PLA2G5: variants seen among roughly 807,000 people sequenced by gnomAD.
The protein encoded by PLA2G5 is Ca2+-dependent phospholipase A2.
A neutral mutation model predicts 15.9 loss-of-function variants in PLA2G5; 12 were observed. That is an observed-to-expected ratio of 0.76 (90% confidence interval 0.48 to 1.23). The LOEUF (loss-of-function observed/expected upper bound fraction) is 1.23. PLA2G5 is among the 50% of genes most tolerant of loss of function. PLA2G5 has a pLI of 0.00. For missense variants in PLA2G5, 169 were observed against 177.1 expected, an observed-to-expected ratio of 0.95 and a Z score of 0.26; for synonymous variants, 71 against 71.4, an observed-to-expected ratio of 0.99 and a Z score of 0.03.
intron 1 of PLA2G5, among the ~76,000 whole-genome samples, chr1:20,040,794 A>G (rs951169148): frequency 6.6e-6 from 1 of 152,244 alleles, no homozygotes; most frequent in African/African-American, 2.4e-5. Flanking sequence ...AGAGTCACCC[A>G]TCTGCTCACT....
At chr1:20,046,311 A>G (rs1490907304) in intron 1 of PLA2G5, among the ~76,000 whole-genome samples, 1 of 151,982 alleles carries the variant, frequency 6.6e-6, no homozygotes, top group African/African-American at 2.4e-5. Flanking sequence ...ACTTGGTTAA[A>G]TCCAAGTGAG....
At chr1:20,038,974 C>T (rs2013436427) in intron 1 of PLA2G5, among the ~76,000 whole-genome samples, 1 of 152,112 alleles carries the variant, frequency 6.6e-6, no homozygotes, top group Admixed American at 6.5e-5. Context: ...CTGACATTGT[C>T]TACACTCAGT....
intron 1 of PLA2G5, among the ~76,000 whole-genome samples, chr1:20,030,725 C>T (rs2012873701): frequency 6.6e-6 from 1 of 152,130 alleles, no homozygotes; most frequent in African/African-American, 2.4e-5. Flanking sequence ...CGGCCTTCTG[C>T]AGTGCACTGT....
At position 20,090,834 on chromosome 1, in the gene PLA2G5, C is replaced by A. The variant is rs2016534958; in HGVS notation, c.*142C>A. 1.2e-6 allele frequency: 1 copy of A among 804,996 alleles called. No individual in the cohort carries two copies. The highest frequency in any genetic ancestry group is 2.0e-6 in the Non-Finnish European group (1 of 490,118). The allele number at this position is 804,996 out of a possible 1,614,324, so 49.9% of individuals were successfully genotyped here. A position where few individuals can be genotyped will look rare whatever the true frequency, so the allele number is the denominator to read the frequency against. On this transcript the variant is annotated 3_prime_UTR_variant, in exon 5 of 5. Transcript: ENST00000375108. ...TCGAAGCTTGGCGGACCCCCAGGGC[C>A]ACACTGTACCCTCCAGCGAGTCCCA...
In PLA2G5 at chr1:20,086,219, C is replaced by T; in HGVS notation, c.177C>T (p.Gly59=). The change falls in exon 3 of 5, where the codon GGC becomes GGT. Residue 59 remains glycine, a synonymous_variant. Coordinates refer to ENST00000375108, the MANE Select transcript of PLA2G5 (RefSeq NM_000929.3). ...GCGGCCGAGGAACCCCCAAGGATGG[C>T]ACCGATTGGTGAGCTGATCGCTATA... ...GWGGRGTPKD[G]TDWCCWAHDH... 1.2e-6 allele frequency: 2 copies of T among 1,614,130 alleles called. No individual in the cohort carries two copies. The highest frequency in any genetic ancestry group is 1.7e-6 in the Non-Finnish European group (2 of 1,179,974).
At chr1:20,044,685 C>T (rs972840612) in intron 1 of PLA2G5, among the ~76,000 whole-genome samples, 66 of 151,948 alleles carry the variant, frequency 4.3e-4, no homozygotes, top group African/African-American at 1.5e-3. Flanking sequence ...GGGCTAGTCA[C>T]GGAATGAAAC....
chr1:20,065,880 T>C (rs34681322), upstream of PLA2G5: 9,493 of 152,340 alleles, frequency 0.062, 491 homozygotes, highest in East Asian at 0.25. Context: ...TGGTGGCATG[T>C]ACCTGTAGTC....
chr1:20,037,206 G>C (rs1364315560), intron 1 of PLA2G5, among the ~76,000 whole-genome samples: 1 of 152,172 alleles, frequency 6.6e-6, no homozygotes, highest in Non-Finnish European at 1.5e-5. Context: ...AAGATCTGGG[G>C]TTCAAGCGTT....
chr1:20,079,115 A>G (rs914289061), intron 1 of PLA2G5, among the ~76,000 whole-genome samples: 1,732 of 10,024 alleles, frequency 0.17, 37 homozygotes, highest in African/African-American at 0.26. Flanking sequence ...CCCTGTCTCA[A>G]AAAAAAAAAA....
At chr1:20,032,488 G>T (rs1409118427) in intron 1 of PLA2G5, among the ~76,000 whole-genome samples, 1 of 152,094 alleles carries the variant, frequency 6.6e-6, no homozygotes, top group African/African-American at 2.4e-5. Flanking sequence ...TCTTGCCCTG[G>T]CAGGTGTCTT....
At chr1:20,034,386 T>A (rs1378500237) in intron 1 of PLA2G5, among the ~76,000 whole-genome samples, 1 of 152,158 alleles carries the variant, frequency 6.6e-6, no homozygotes, top group Non-Finnish European at 1.5e-5. Flanking sequence ...ATTCTTTGGA[T>A]CCAATACAGA....
chr1:20,030,605 C>T (rs1426311201), intron 1 of PLA2G5, among the ~76,000 whole-genome samples: 3 of 151,986 alleles, frequency 2.0e-5, no homozygotes, highest in South Asian at 2.1e-4. Flanking sequence ...TTATGGGTGC[C>T]GGGCTGGGGG....
At chr1:20,063,494 C>G (rs2014845883) in intron 2 of PLA2G5, 1 of 148,196 alleles carries the variant, frequency 6.7e-6, no homozygotes, top group African/African-American at 2.5e-5. Flanking sequence ...GAGAGGCTGC[C>G]CCTCCAGAAC....
chr1:20,088,470 CT>C lies in PLA2G5; in HGVS notation c.186-1307del, dbSNP rs57538971. Among the ~76,000 whole-genome samples the C allele has an allele frequency of 7.1e-3, 998 of 141,382 alleles. 1 individual carries two copies. Among genetic ancestry groups the C allele is most frequent in the African/African-American group, 0.014 (534 of 39,174 alleles). The allele number at this position is 141,382 out of a possible 152,430, so 92.8% of individuals were successfully genotyped here. A position where few individuals can be genotyped will look rare whatever the true frequency, so the allele number is the denominator to read the frequency against. ...CTAGGGAACTCTGAATCAATTATGG[CT>C]TTTTTTTTTTTACAATTAGTGAGAT... On this transcript the variant is annotated intron_variant, in intron 3 of 4. Transcript: ENST00000375108.
At chr1:20,073,681 G>A (rs1442054226) in intron 1 of PLA2G5, among the ~76,000 whole-genome samples, 4 of 152,084 alleles carry the variant, frequency 2.6e-5, no homozygotes. Context: ...TTGGGAGTTC[G>A]AGACCAGCCT....
At chr1:20,045,553 T>G (rs2013859331) in intron 1 of PLA2G5, among the ~76,000 whole-genome samples, 1 of 152,120 alleles carries the variant, frequency 6.6e-6, no homozygotes, top group Non-Finnish European at 1.5e-5. Flanking sequence ...AGGGAGAGAT[T>G]GAAGGGTGGC....
rs2014511882 is a variant in PLA2G5 at position 20,057,823 on chromosome 1, AT to A, written n.277-1805del. On this transcript the variant is annotated intron_variant and non_coding_transcript_variant, in intron 1 of 6. Coordinates refer to the PLA2G5 transcript ENST00000460175. ...TGCATCTTACAAATTTTGGTGTTATATTTTCATTTTAATTTAGTTCAAAATA... is the reference window on the plus strand; with the variant it reads ...TGCATCTTACAAATTTTGGTGTTATATTTCATTTTAATTTAGTTCAAAATA... 2.6e-5 allele frequency among the ~76,000 whole-genome samples: 4 copies of A among 151,684 alleles called. No homozygotes were observed. In the South Asian group the frequency reaches 8.3e-4, roughly 32 times the overall value.
intron 1 of PLA2G5, among the ~76,000 whole-genome samples, chr1:20,079,847 T>C (rs1281519045): frequency 1.3e-5 from 2 of 152,138 alleles, no homozygotes; most frequent in Admixed American, 1.3e-4. Context: ...CACTTTCCCC[T>C]TCCCTGAGAG....
chr1:20,088,532 G>A (rs1224418857), intron 3 of PLA2G5, among the ~76,000 whole-genome samples: 2 of 151,266 alleles, frequency 1.3e-5, no homozygotes, highest in Admixed American at 6.6e-5. Context: ...TATCAATAAT[G>A]TATCAATATT....
Sources: allele counts gnomAD v4.1 joint callset (sites outside exome capture counted in the v4.1 genomes callset), GRCh38; gene constraint gnomAD v4.1.1; transcripts MANE v1.5; gene names NCBI Gene and HGNC (gene_info 2026-07-23, HGNC 2026-07-21).